PDE1C: variants seen among roughly 807,000 people sequenced by gnomAD.
PDE1C encodes dual specificity calcium/calmodulin-dependent 3',5'-cyclic nucleotide phosphodiesterase 1C.
A neutral mutation model predicts 93.1 loss-of-function variants in PDE1C; 62 were observed. The ratio of observed to expected loss-of-function variants is 0.67; its 90% confidence interval spans 0.54 to 0.82. PDE1C has a LOEUF of 0.82. Among genes scored for constraint, PDE1C ranks in the 40% least tolerant of loss-of-function variants. The probability of loss-of-function intolerance (pLI) is 0.00; values close to 1 mark genes in which losing one functional copy is unlikely to be tolerated. For missense variants in PDE1C, 742 were observed against 884.6 expected (o/e 0.84, Z 2.04); for synonymous variants, 325 against 310.1 (o/e 1.05, Z -0.50).
intron 1 of PDE1C, among the ~76,000 whole-genome samples, chr7:32,421,410 T>C (rs1427959517): frequency 1.3e-5 from 2 of 152,222 alleles, no homozygotes; most frequent in African/African-American, 2.4e-5. Flanking sequence ...ACACGGATGA[T>C]CCGTTAATGT....
chr7:32,042,775 G>T (rs987429190), intron 2 of PDE1C, among the ~76,000 whole-genome samples: 2 of 152,130 alleles, frequency 1.3e-5, no homozygotes, highest in Non-Finnish European at 2.9e-5. Flanking sequence ...GTTCTTTTCT[G>T]GTGATTCAGT....
At chr7:31,948,997 G>T (rs1806994408) in intron 2 of PDE1C, among the ~76,000 whole-genome samples, 1 of 152,188 alleles carries the variant, frequency 6.6e-6, no homozygotes, top group South Asian at 2.1e-4. Flanking sequence ...AACTTTAGGG[G>T]TGGGGGTGAG....
chr7:31,787,006 C>T (rs1784076150), intron 16 of PDE1C: 1 of 151,790 alleles, frequency 6.6e-6, no homozygotes, highest in Non-Finnish European at 1.5e-5. Flanking sequence ...GGAAAAGTGA[C>T]CCATGAGAGA....
At chr7:32,250,140 A>G (rs976110432) in intron 1 of PDE1C, among the ~76,000 whole-genome samples, 1 of 152,172 alleles carries the variant, frequency 6.6e-6, no homozygotes, top group Admixed American at 6.5e-5. Context: ...GTAATGACAC[A>G]AGAGCTCCCA....
downstream of PDE1C, among the ~76,000 whole-genome samples, chr7:31,747,626 A>G (rs1794033260): frequency 6.6e-6 from 1 of 152,132 alleles, no homozygotes; most frequent in Non-Finnish European, 1.5e-5. Flanking sequence ...ACTTACACTT[A>G]CTTATCACTT....
At chr7:31,884,561 T>C (rs558777368) in intron 2 of PDE1C, among the ~76,000 whole-genome samples, 12 of 152,332 alleles carry the variant, frequency 7.9e-5, no homozygotes, top group South Asian at 2.1e-4. Flanking sequence ...GCCAACTTTC[T>C]GCTTTATGTA....
chr7:32,222,214 A>T (rs1200444561), intron 1 of PDE1C, among the ~76,000 whole-genome samples: 1 of 152,236 alleles, frequency 6.6e-6, no homozygotes, highest in Non-Finnish European at 1.5e-5. Context: ...TGTGATGTCC[A>T]GGAGCATAAA....
chr7:32,325,972 A>C lies in PDE1C; in HGVS notation c.310+101850T>G, dbSNP rs554898536. Among the ~76,000 whole-genome samples the C allele has an allele frequency of 4.7e-4, 71 of 152,194 alleles. 1 individual carries two copies. Among genetic ancestry groups the C allele is most frequent in the African/African-American group, 1.6e-3 (68 of 41,546 alleles). ...GGCTTGGATCAGGGTGGAGAAGTGG[A>C]GGTGGTTGGAAGTAGTGAGATTCTA... On this transcript the variant is annotated intron_variant, in intron 1 of 1. Transcript: ENST00000672256.
At chr7:31,844,295 A>G (rs1792276859) in intron 9 of PDE1C, among the ~76,000 whole-genome samples, 1 of 151,762 alleles carries the variant, frequency 6.6e-6, no homozygotes, top group Middle Eastern at 3.2e-3. Context: ...ACTACCTTAA[A>G]GAAAGCTCTA....
At chr7:32,161,547 G>A (rs1027152313) in intron 3 of PDE1C, among the ~76,000 whole-genome samples, 9 of 147,282 alleles carry the variant, frequency 6.1e-5, no homozygotes, top group Admixed American at 1.3e-4. Context: ...ACCCCCAGGG[G>A]TAGTTTGGTC....
At chr7:31,704,738 A>T in the PDE1C span, among the ~76,000 whole-genome samples, 1 of 152,164 alleles carries the variant, frequency 6.6e-6, no homozygotes. Context: ...CGGGTGAATA[A>T]ACTGAGGCTC....
rs150075262 is a variant in PDE1C, at chr7:32,174,954, A to T, written c.137-4998T>A. 1.7e-4 allele frequency among the ~76,000 whole-genome samples: 26 copies of T among 152,290 alleles called. No individual in the cohort carries two copies. In the East Asian group the frequency reaches 5.0e-3, roughly 29 times the overall value. The stretch of plus-strand genomic sequence containing the variant: ...TTAATAAAACTACAAATTCATCTAA[A>T]ACTATTAATGAATTCATAAGAGCTT... On this transcript the variant is annotated intron_variant, in intron 2 of 18. Coordinates refer to the PDE1C transcript ENST00000396193.
intron 2 of PDE1C, among the ~76,000 whole-genome samples, chr7:32,205,543 T>C (rs1805375014): frequency 6.6e-6 from 1 of 152,014 alleles, no homozygotes; most frequent in South Asian, 2.1e-4. Context: ...CAGCACTCTG[T>C]AAAATGGACC....
At chr7:32,200,141 T>G (rs1804905746) in intron 2 of PDE1C, among the ~76,000 whole-genome samples, 1 of 152,198 alleles carries the variant, frequency 6.6e-6, no homozygotes, top group Non-Finnish European at 1.5e-5. Context: ...CATCTCAAGT[T>G]CTTAGGCTCT....
At chr7:31,655,924 C>A in the PDE1C span, 123 of 985,312 alleles carry the variant, frequency 1.2e-4, no homozygotes, top group Middle Eastern at 5.2e-4. Flanking sequence ...ATCTGCTTTA[C>A]CAGTCTCATT....
At chr7:32,200,441 C>T (rs1804928020) in intron 2 of PDE1C, among the ~76,000 whole-genome samples, 1 of 152,174 alleles carries the variant, frequency 6.6e-6, no homozygotes, top group African/African-American at 2.4e-5. Flanking sequence ...CCAGAAAAGC[C>T]AAGCAAGTTA....
chr7:31,889,711 T>G (rs1798390834), intron 2 of PDE1C, among the ~76,000 whole-genome samples: 1 of 152,190 alleles, frequency 6.6e-6, no homozygotes, highest in Non-Finnish European at 1.5e-5. Context: ...GCTCACTGCA[T>G]GGGAACACCA....
chr7:31,690,685 G>C, the PDE1C span, among the ~76,000 whole-genome samples: 2 of 152,308 alleles, frequency 1.3e-5, no homozygotes, highest in East Asian at 3.9e-4. Flanking sequence ...ACAGCCATAG[G>C]ATCCAAGTTA....
intron 2 of PDE1C, among the ~76,000 whole-genome samples, chr7:31,923,960 T>C (rs1022021389): frequency 6.6e-6 from 1 of 152,202 alleles, no homozygotes; most frequent in African/African-American, 2.4e-5. Context: ...AGATGAACTT[T>C]TTTTCTATTC....
Sources: gnomAD v4.1 joint callset for allele counts (sites outside exome capture counted in the v4.1 genomes callset) on GRCh38, gnomAD v4.1.1 for gene constraint, MANE v1.5 for transcripts, NCBI Gene and HGNC (gene_info 2026-07-23, HGNC 2026-07-21) for gene names.